CLASP1: variants seen among roughly 807,000 people sequenced by gnomAD.
CLASP1 encodes the protein cytoplasmic linker associated protein 1, also known as CLIP-associating protein 1.
In CLASP1, 38 loss-of-function variants were observed where a neutral mutation model predicts 192.3. The ratio of observed to expected loss-of-function variants is 0.20; its 90% CI spans 0.15 to 0.26. The LOEUF (loss-of-function observed/expected upper bound fraction) is 0.26. Ranked by LOEUF, CLASP1 falls within the 10% of genes least tolerant of loss-of-function variation. The pLI, the probability that CLASP1 is intolerant of heterozygous loss-of-function variation, is 1.00. For synonymous variants in CLASP1, 691 were observed against 712.8 expected (o/e 0.97, Z 0.49); for missense variants, 1,433 against 1,932.5 (o/e 0.74, Z 4.85).
At chr2:121,503,502 T>C (rs1040536311) in intron 7 of CLASP1, among the ~76,000 whole-genome samples, 9 of 152,208 alleles carry the variant, frequency 5.9e-5, no homozygotes, top group Non-Finnish European at 1.0e-4. Flanking sequence ...GGGTGGAGAT[T>C]CTAGCCCTGA....
intron 33 of CLASP1, among the ~76,000 whole-genome samples, chr2:121,381,553 C>T (rs928893577): frequency 2.0e-5 from 3 of 152,204 alleles, no homozygotes; most frequent in African/African-American, 7.2e-5. Context: ...CTTCCAGACT[C>T]ATAACATTGT....
rs201112545 is a variant in CLASP1 at position 121,615,819 on chromosome 2, T to TA, written c.-285-9640dup. On this transcript the variant is annotated intron_variant, in intron 1 of 39. Transcript: ENST00000263710. ...AATAAAATACAATTAACAAATAAAT[T>TA]AAAAAAAACAAAAACAAACAAAAAA... is the stretch of plus-strand genomic sequence containing the variant. 1.7e-4 allele frequency among the ~76,000 whole-genome samples: 25 copies of TA among 151,484 alleles called. No individual in the cohort carries two copies. In the South Asian group the frequency reaches 2.5e-3, roughly 15 times the overall value.
chr2:121,423,842 C>A (rs1027298477), intron 22 of CLASP1, among the ~76,000 whole-genome samples: 32 of 152,290 alleles, frequency 2.1e-4, no homozygotes, highest in Middle Eastern at 3.4e-3. Flanking sequence ...GATTTCAAAT[C>A]AAATCTTATC....
intron 2 of CLASP1, chr2:121,530,719 T>C: frequency 1.9e-6 from 1 of 513,600 alleles, no homozygotes; most frequent in Non-Finnish European, 3.5e-6. Context: ...TTGCGACCCT[T>C]CGGGAGCCTC....
At chr2:121,492,072 A>T (rs1249203893) in intron 8 of CLASP1, among the ~76,000 whole-genome samples, 2 of 152,236 alleles carry the variant, frequency 1.3e-5, no homozygotes, top group Non-Finnish European at 2.9e-5. Context: ...GGACTTCAGC[A>T]AAATTTAAAA....
intron 14 of CLASP1, 133 bp from the exon 15 acceptor site, chr2:121,451,982 C>A: frequency 1.5e-6 from 1 of 684,742 alleles, no homozygotes. Flanking sequence ...ATTAGAAAAA[C>A]AGAACATAAA....
intron 9 of CLASP1, among the ~76,000 whole-genome samples, chr2:121,464,866 A>G (rs2089174584): frequency 6.6e-6 from 1 of 152,124 alleles, no homozygotes; most frequent in Non-Finnish European, 1.5e-5. Flanking sequence ...CCATTTGTCA[A>G]TTTTGGCTTC....
intron 35 of CLASP1, among the ~76,000 whole-genome samples, chr2:121,365,965 C>G (rs527577548): frequency 6.6e-6 from 1 of 152,158 alleles, no homozygotes; most frequent in Non-Finnish European, 1.5e-5. Context: ...GAAACCTGAA[C>G]TCTGAATATT....
At chr2:121,506,022 GAGAA>G (rs2093937158) in intron 7 of CLASP1, among the ~76,000 whole-genome samples, 1 of 152,090 alleles carries the variant, frequency 6.6e-6, no homozygotes, top group Non-Finnish European at 1.5e-5. Flanking sequence ...AGATTTTAAA[GAGAA>G]AGAAAAAGTT....
intron 8 of CLASP1, among the ~76,000 whole-genome samples, chr2:121,482,688 CTG>C (rs2092685173): frequency 6.6e-6 from 1 of 152,142 alleles, no homozygotes; most frequent in South Asian, 2.1e-4. Context: ...ACATAAAACT[CTG>C]TGAGCACCTG....
At chr2:121,528,017 A>C in intron 4 of CLASP1, 127 bp from the exon 5 acceptor site, 1 of 646,528 alleles carries the variant, frequency 1.5e-6, no homozygotes, top group Non-Finnish European at 2.8e-6. Flanking sequence ...AACACATTTA[A>C]TCCTCTCGAG....
At chr2:121,385,669 T>C (rs1055168040) in intron 32 of CLASP1, among the ~76,000 whole-genome samples, 6 of 152,196 alleles carry the variant, frequency 3.9e-5, no homozygotes, top group Non-Finnish European at 5.9e-5. Context: ...ACCCTAAGAA[T>C]GCAATAACTA....
intron 6 of CLASP1, among the ~76,000 whole-genome samples, chr2:121,525,250 T>C (rs958602249): frequency 6.6e-6 from 1 of 152,172 alleles, no homozygotes; most frequent in African/African-American, 2.4e-5. Flanking sequence ...TGTACAACTT[T>C]GTGAATTGCC....
chr2:121,368,035 T>C (rs1168705492), intron 34 of CLASP1, among the ~76,000 whole-genome samples: 1 of 152,224 alleles, frequency 6.6e-6, no homozygotes, highest in African/African-American at 2.4e-5. Context: ...TTTATTTGCA[T>C]CTAGTCTTTA....
At chr2:121,628,399 G>C in intron 1 of CLASP1, among the ~76,000 whole-genome samples, 1 of 152,138 alleles carries the variant, frequency 6.6e-6, no homozygotes, top group East Asian at 1.9e-4. Flanking sequence ...ATTGAGGCCA[G>C]GCACGATGGC....
chr2:121,526,326 C>A (rs2094572801), intron 5 of CLASP1, among the ~76,000 whole-genome samples: 1 of 152,242 alleles, frequency 6.6e-6, no homozygotes, highest in African/African-American at 2.4e-5. Context: ...CAGAGCTAGA[C>A]ATTCAGGCAA....
intron 12 of CLASP1, 110 bp from the exon 13 acceptor site, chr2:121,459,085 G>C (rs1015948227): frequency 4.0e-6 from 3 of 751,460 alleles, no homozygotes; most frequent in Admixed American, 6.1e-5. Context: ...GAAAGGACAA[G>C]GGTCTGAGAT....
chr2:121,592,943 G>A (rs779359426), intron 2 of CLASP1, among the ~76,000 whole-genome samples: 3 of 152,164 alleles, frequency 2.0e-5, no homozygotes, highest in Non-Finnish European at 4.4e-5. Flanking sequence ...ACCACGCCCG[G>A]CCTAATAACT....
intron 7 of CLASP1, among the ~76,000 whole-genome samples, chr2:121,505,704 T>C (rs2093923520): frequency 6.6e-6 from 1 of 152,244 alleles, no homozygotes; most frequent in African/African-American, 2.4e-5. Flanking sequence ...TTTAAATCTC[T>C]GGATTTCCAT....
Sources: gnomAD v4.1 joint callset for allele counts (sites outside exome capture counted in the v4.1 genomes callset) on GRCh38, gnomAD v4.1.1 for gene constraint, MANE v1.5 for transcripts, NCBI Gene and HGNC (gene_info 2026-07-23, HGNC 2026-07-21) for gene names.